Variants in HCN1 observed in about 807,000 individuals in gnomAD.
HCN1 encodes potassium/sodium hyperpolarization-activated cyclic nucleotide-gated channel 1.
A neutral mutation model predicts 78.9 loss-of-function variants in HCN1; 13 were observed. That is an observed-to-expected ratio of 0.16 (90% CI 0.11 to 0.26). The LOEUF is 0.26. HCN1 is among the 10% of genes least tolerant of loss of function. The pLI, the probability that HCN1 is intolerant of heterozygous loss-of-function variation, is 1.00. For missense variants in HCN1, 810 were observed against 1,154.3 expected, an observed-to-expected ratio of 0.70 and a Z score of 4.32; for synonymous variants, 552 against 455.5, an observed-to-expected ratio of 1.21 and a Z score of -2.70.
At chr5:45,591,540 T>C (rs192724822) in intron 2 of HCN1, among the ~76,000 whole-genome samples, 17 of 152,334 alleles carry the variant, frequency 1.1e-4, no homozygotes, top group African/African-American at 4.1e-4. Flanking sequence ...AGCATCTTTT[T>C]CATATGCTTA....
intron 6 of HCN1, among the ~76,000 whole-genome samples, chr5:45,275,758 T>G (rs1344571845): frequency 1.3e-5 from 2 of 152,086 alleles, no homozygotes; most frequent in Non-Finnish European, 1.5e-5. Flanking sequence ...CATAAACAGA[T>G]TAAAGGGGTT....
chr5:45,588,755 C>G (rs1017483013), intron 2 of HCN1, among the ~76,000 whole-genome samples: 1 of 152,144 alleles, frequency 6.6e-6, no homozygotes, highest in Admixed American at 6.6e-5. Flanking sequence ...GAAACCTCTG[C>G]TTTTCTCTAT....
At chr5:45,271,417 G>T (rs1744958893) in intron 6 of HCN1, among the ~76,000 whole-genome samples, 1 of 149,952 alleles carries the variant, frequency 6.7e-6, no homozygotes, top group African/African-American at 2.5e-5. Flanking sequence ...CAGTTGCTTG[G>T]GCTATTTTAG....
intron 4 of HCN1, among the ~76,000 whole-genome samples, chr5:45,371,096 A>G (rs1442842674): frequency 6.6e-6 from 1 of 152,034 alleles, no homozygotes; most frequent in Non-Finnish European, 1.5e-5. Context: ...TTAAGATACA[A>G]CATACCAGAA....
intron 2 of HCN1, among the ~76,000 whole-genome samples, chr5:45,527,605 TTCTCTCTCTTTCTCTCTCTCTCTG>T (rs1462543837): frequency 2.0e-5 from 3 of 150,920 alleles, no homozygotes; most frequent in Non-Finnish European, 4.4e-5. Flanking sequence ...TCTCTCTCTT[TTCTCTCTCTTTCTCTCTCTCTCTG>T]TCTCTCTCTC....
chr5:45,686,867 T>A (rs889775026), intron 1 of HCN1, among the ~76,000 whole-genome samples: 16 of 152,320 alleles, frequency 1.1e-4, no homozygotes, highest in African/African-American at 3.8e-4. Context: ...GGAGTACTCC[T>A]GGGACTTCAG....
chr5:45,356,162 C>A (rs2111986326), intron 4 of HCN1, among the ~76,000 whole-genome samples: 1 of 152,000 alleles, frequency 6.6e-6, no homozygotes, highest in Admixed American at 6.6e-5. Flanking sequence ...AAATGGCAAA[C>A]TTTCTAATAG....
intron 2 of HCN1, among the ~76,000 whole-genome samples, chr5:45,552,585 T>C (rs1349957748): frequency 6.6e-6 from 1 of 151,988 alleles, no homozygotes; most frequent in Non-Finnish European, 1.5e-5. Context: ...CATCATTGCA[T>C]TTGATTTTGG....
chr5:45,654,135 A>G (rs899146433), intron 1 of HCN1, among the ~76,000 whole-genome samples: 2 of 152,090 alleles, frequency 1.3e-5, no homozygotes, highest in African/African-American at 4.8e-5. Flanking sequence ...GAAGGCCACA[A>G]GTTTCACTTT....
In HCN1 at chr5:45,267,090, T is replaced by A. The variant is rs1286683037; in HGVS notation, c.1782A>T (p.Ile594=). Residue 594 remains isoleucine, a splice_region_variant and synonymous_variant, in exon 7 of 8, where the codon ATA becomes ATT. Transcript: ENST00000303230. ...AAAGAAGGTAGAAAACTAGAGTACC[T>A]ATTCGATCTAGTCGGTCAATGGCAA... is the stretch of plus-strand genomic sequence containing the variant. ...ETVAIDRLDR[I]GKKNSILLQK... is the part of the protein sequence containing the mutation. 2 of 1,610,644 alleles carry A rather than the reference T, an allele frequency of 1.2e-6. No individual in the cohort carries two copies. The highest frequency in any genetic ancestry group is 1.7e-5 in the Admixed American group (1 of 60,008).
At chr5:45,678,957 T>C (rs1221653883) in intron 1 of HCN1, among the ~76,000 whole-genome samples, 2 of 151,934 alleles carry the variant, frequency 1.3e-5, no homozygotes, top group Non-Finnish European at 2.9e-5. Context: ...TTGTAGCCAA[T>C]CTTTGACTAA....
intron 4 of HCN1, among the ~76,000 whole-genome samples, chr5:45,371,617 C>T (rs1160140275): frequency 6.6e-6 from 1 of 150,716 alleles, no homozygotes; most frequent in African/African-American, 2.4e-5. Flanking sequence ...ATTGGCTGGG[C>T]TTGGGGGCGG....
chr5:45,262,865 C>G, intron 7 of HCN1, 55 bp from the exon 8 acceptor site: 1 of 1,594,362 alleles, frequency 6.3e-7, no homozygotes, highest in Non-Finnish European at 8.6e-7. Context: ...CTGATGACAA[C>G]GCCAAGTGAG....
chr5:45,436,626 T>C (rs754242534), intron 3 of HCN1, among the ~76,000 whole-genome samples: 37 of 152,214 alleles, frequency 2.4e-4, no homozygotes, highest in Non-Finnish European at 4.4e-4. Flanking sequence ...TTTTATTAAA[T>C]GTTTTCTACT....
At position 45,311,232 on chromosome 5, in the gene HCN1, C is replaced by T. The variant is rs1220453720; in HGVS notation, c.1378-7393G>A. ...AATATATATTCATTTATTAAACACA[C>T]CAAAAGTGAGGGAGAAACAAAAATG... On this transcript the variant is annotated intron_variant, in intron 5 of 7. Coordinates refer to ENST00000303230, the MANE Select transcript of HCN1 (RefSeq NM_021072.4). Among the ~76,000 whole-genome samples the T allele has an allele frequency of 3.3e-5, 5 of 152,090 alleles. No individual in the cohort carries two copies. In the South Asian group the frequency reaches 8.3e-4, roughly 25 times the overall value.
intron 2 of HCN1, among the ~76,000 whole-genome samples, chr5:45,476,190 G>A (rs889849215): frequency 2.0e-5 from 3 of 152,042 alleles, no homozygotes; most frequent in Non-Finnish European, 2.9e-5. Flanking sequence ...TCTCTCTGTC[G>A]TGTGAGGATG....
At chr5:45,506,931 A>G (rs201439388) in intron 2 of HCN1, among the ~76,000 whole-genome samples, 1 of 152,160 alleles carries the variant, frequency 6.6e-6, no homozygotes, top group East Asian at 1.9e-4. Flanking sequence ...ACTAAAAGTG[A>G]CATTTCTTAA....
chr5:45,675,111 T>C (rs1415862019), intron 1 of HCN1, among the ~76,000 whole-genome samples: 4 of 151,686 alleles, frequency 2.6e-5, no homozygotes, highest in African/African-American at 9.7e-5. Context: ...TTCTCACTAC[T>C]ACTCTGAATT....
In HCN1 at chr5:45,497,321, T is replaced by C. The variant is rs1579931621; in HGVS notation, c.850-35314A>G. The stretch of plus-strand genomic sequence containing the variant: ...GTGGGGTGTTAAAGTCTCCCATTAT[T>C]AATGTGTGGGAGTCTAAGATTCTTT... On this transcript the variant is annotated intron_variant, in intron 2 of 7. Transcript: ENST00000303230. Among the ~76,000 whole-genome samples, 7 of 152,290 alleles carry C rather than the reference T, an allele frequency of 4.6e-5. 1 individual carries two copies. The highest frequency in any genetic ancestry group is 2.6e-4 in the Admixed American group (4 of 15,302).
Sources: gnomAD v4.1 joint callset for allele counts (sites outside exome capture counted in the v4.1 genomes callset) on GRCh38, gnomAD v4.1.1 for gene constraint, MANE v1.5 for transcripts, NCBI Gene and HGNC (gene_info 2026-07-23, HGNC 2026-07-21) for gene names.